Variants in C10orf90 observed in about 807,000 individuals in gnomAD.
C10orf90 encodes (E2-independent) E3 ubiquitin-conjugating enzyme FATS.
Under a neutral mutation model 62.5 loss-of-function variants are expected in C10orf90, and 56 were observed. That is an observed-to-expected ratio of 0.90 (90% CI 0.72 to 1.12). C10orf90 has a LOEUF of 1.12. Among genes scored for constraint, C10orf90 ranks in the 50% most tolerant of loss-of-function variants. The probability of loss-of-function intolerance (pLI) is 0.00; values close to 1 mark genes in which losing one functional copy is unlikely to be tolerated. For missense variants in C10orf90, 970 were observed against 880.4 expected, an observed-to-expected ratio of 1.10 and a Z score of -1.29; for synonymous variants, 386 against 340.4, an observed-to-expected ratio of 1.13 and a Z score of -1.47.
intron 2 of C10orf90, among the ~76,000 whole-genome samples, chr10:126,518,597 G>A (rs564809489): frequency 6.6e-6 from 1 of 152,174 alleles, no homozygotes; most frequent in South Asian, 2.1e-4. Context: ...TATTTTGAAA[G>A]TAATTAAAAA....
chr10:126,648,981 C>T (rs551728720), intron 1 of C10orf90, among the ~76,000 whole-genome samples: 1 of 151,358 alleles, frequency 6.6e-6, no homozygotes, highest in African/African-American at 2.4e-5. Flanking sequence ...GTAACAAACA[C>T]TGAAGTGCTT....
At chr10:126,654,790 TA>T (rs1361191034) in intron 1 of C10orf90, among the ~76,000 whole-genome samples, 1 of 152,218 alleles carries the variant, frequency 6.6e-6, no homozygotes, top group Non-Finnish European at 1.5e-5. Context: ...GCTTTTGATT[TA>T]AAGCAAGAGA....
At chr10:126,506,085 C>T (rs1193515671) in intron 3 of C10orf90, among the ~76,000 whole-genome samples, 1 of 152,222 alleles carries the variant, frequency 6.6e-6, no homozygotes, top group Non-Finnish European at 1.5e-5. Flanking sequence ...GACCAAGGCA[C>T]ATGTAGCTTT....
chr10:126,580,771 A>G (rs1844732724), intron 2 of C10orf90, among the ~76,000 whole-genome samples: 1 of 151,886 alleles, frequency 6.6e-6, no homozygotes, highest in African/African-American at 2.4e-5. Flanking sequence ...TGGTGTGTGA[A>G]CATAGTGTGT....
chr10:126,495,995 G>A (rs1862030191), intron 4 of C10orf90, among the ~76,000 whole-genome samples: 1 of 152,148 alleles, frequency 6.6e-6, no homozygotes, highest in Non-Finnish European at 1.5e-5. Flanking sequence ...GAGTATAAAT[G>A]GAGCCTCAGA....
chr10:126,438,031 T>C (rs918883318), intron 7 of C10orf90, among the ~76,000 whole-genome samples: 1 of 152,250 alleles, frequency 6.6e-6, no homozygotes, highest in Non-Finnish European at 1.5e-5. Flanking sequence ...CTAATGGGAA[T>C]GTGACTGACT....
At chr10:126,455,805 T>G (rs1439031939) in intron 7 of C10orf90, among the ~76,000 whole-genome samples, 1 of 152,114 alleles carries the variant, frequency 6.6e-6, no homozygotes, top group East Asian at 1.9e-4. Context: ...TAATTAACAC[T>G]CACCCACATG....
At chr10:126,637,294 T>G (rs1845970586) in intron 2 of C10orf90, among the ~76,000 whole-genome samples, 1 of 152,168 alleles carries the variant, frequency 6.6e-6, no homozygotes, top group Admixed American at 6.5e-5. Flanking sequence ...GTCCTATTGA[T>G]GTCTGCCTTC....
intron 7 of C10orf90, among the ~76,000 whole-genome samples, chr10:126,444,182 CAA>C (rs1387454960): frequency 6.6e-6 from 1 of 152,074 alleles, no homozygotes; most frequent in Admixed American, 6.6e-5. Flanking sequence ...AGCAATCAGA[CAA>C]GAGAAAGAAA....
At chr10:126,661,784 A>AT (rs1358578994) in intron 1 of C10orf90, among the ~76,000 whole-genome samples, 2 of 150,396 alleles carry the variant, frequency 1.3e-5, no homozygotes, top group African/African-American at 2.5e-5. Flanking sequence ...AGATAGTGTC[A>AT]TTTTTTTCTT....
Position 126,632,778 on chromosome 10 carries a change from C to G in C10orf90, c.313+13787G>C, listed in dbSNP as rs115208983. 5.6e-3 allele frequency among the ~76,000 whole-genome samples: 850 copies of G among 152,160 alleles called. 11 individuals carry two copies. The highest frequency in any genetic ancestry group is 0.018 in the African/African-American group (767 of 41,506). On this transcript the variant is annotated intron_variant, in intron 2 of 9. Coordinates refer to ENST00000488181, the MANE Select transcript of C10orf90 (RefSeq NM_001350921.2). ...ATATTTACTTTGCTTTGAATGTGAA[C>G]TTATGCATTTTCTCTTCTGTGCTTG...
At chr10:126,428,582 T>G (rs1381101702) in intron 8 of C10orf90, among the ~76,000 whole-genome samples, 2 of 152,082 alleles carry the variant, frequency 1.3e-5, no homozygotes, top group African/African-American at 4.8e-5. Context: ...CTCGTCCTCT[T>G]TGAGCCTCAG....
intron 4 of C10orf90, among the ~76,000 whole-genome samples, chr10:126,492,626 G>A (rs968966093): frequency 6.6e-6 from 1 of 152,142 alleles, no homozygotes; most frequent in East Asian, 1.9e-4. Flanking sequence ...AGAAAATAGA[G>A]GTGACCTACA....
At chr10:126,556,574 C>T (rs1864778536) in intron 2 of C10orf90, among the ~76,000 whole-genome samples, 4 of 152,062 alleles carry the variant, frequency 2.6e-5, no homozygotes, top group African/African-American at 7.3e-5. Context: ...AATTTATGAA[C>T]CAGCCTGTGG....
In C10orf90 at chr10:126,426,030, G is replaced by T. The variant is rs748864137; in HGVS notation, c.2313C>A (p.Ile771=). ...CGGCACGGAGTCTGTTACTTTGTAA[G>T]ATCACCCTTTTCCTTTGTTCTTCTT... is the stretch of plus-strand genomic sequence containing the variant. ...KKKEEQRKRV[I]LQSNRLRAEV... is the part of the protein sequence containing the mutation. The change falls in exon 9 of 10, where the codon ATC becomes ATA. Residue 771 remains isoleucine, a synonymous_variant. Coordinates refer to ENST00000488181, the MANE Select transcript of C10orf90 (RefSeq NM_001350921.2). 5 of 1,614,210 alleles carry T rather than the reference G, an allele frequency of 3.1e-6. No homozygotes were observed. Among genetic ancestry groups the T allele is most frequent in the Non-Finnish European group, 4.2e-6 (5 of 1,180,020 alleles).
intron 2 of C10orf90, among the ~76,000 whole-genome samples, chr10:126,575,409 T>C (rs563072228): frequency 1.1e-4 from 16 of 151,772 alleles, no homozygotes; most frequent in Non-Finnish European, 1.9e-4. Flanking sequence ...AAAACACTGA[T>C]GAAAGAAACT....
At chr10:126,627,839 C>T (rs2804438) in intron 2 of C10orf90, among the ~76,000 whole-genome samples, 4,807 of 152,238 alleles carry the variant, frequency 0.032, 122 homozygotes, top group South Asian at 0.072. Flanking sequence ...CCTCCCAACT[C>T]GACCTCATGT....
At chr10:126,644,282 C>A (rs770953175) in intron 2 of C10orf90, among the ~76,000 whole-genome samples, 3 of 152,236 alleles carry the variant, frequency 2.0e-5, no homozygotes, top group African/African-American at 7.2e-5. Context: ...CTTAGTCCTG[C>A]GCTGAAGGCT....
intron 2 of C10orf90, among the ~76,000 whole-genome samples, chr10:126,573,573 T>C (rs1247511324): frequency 6.6e-6 from 1 of 152,178 alleles, no homozygotes; most frequent in Non-Finnish European, 1.5e-5. Context: ...CCAGTAGCAC[T>C]TTAACAGAGG....
Sources: allele counts gnomAD v4.1 joint callset (sites outside exome capture counted in the v4.1 genomes callset), GRCh38; gene constraint gnomAD v4.1.1; transcripts MANE v1.5; gene names NCBI Gene and HGNC (gene_info 2026-07-23, HGNC 2026-07-21).